Variants in SCD5 observed in about 807,000 individuals in gnomAD.
SCD5 encodes the protein acyl-CoA-desaturase 4.
In SCD5, 20 loss-of-function variants were observed where a neutral mutation model predicts 30.4. The ratio of observed to expected loss-of-function variants is 0.66; its 90% confidence interval spans 0.46 to 0.96. The LOEUF (loss-of-function observed/expected upper bound fraction) is 0.96. SCD5 is among the 40% of genes least tolerant of loss of function. The pLI is 0.00. For missense variants in SCD5, 381 were observed against 443.3 expected (o/e 0.86, Z 1.26); for synonymous variants, 173 against 176.4 (o/e 0.98, Z 0.16).
chr4:82,671,861 A>C (rs985380878), intron 3 of SCD5, among the ~76,000 whole-genome samples: 3 of 152,208 alleles, frequency 2.0e-5, no homozygotes, highest in Admixed American at 2.0e-4. Flanking sequence ...AGCCTGGGTA[A>C]CAGAGCGAGA....
chr4:82,679,199 CAA>C (rs35560907), intron 3 of SCD5, among the ~76,000 whole-genome samples: 440 of 23,762 alleles, frequency 0.019, 20 homozygotes, highest in African/African-American at 0.076. Flanking sequence ...ACTCCATCTC[CAA>C]AAAAAAAAAA....
At chr4:82,730,986 A>G (rs1458119941) in intron 1 of SCD5, among the ~76,000 whole-genome samples, 1 of 152,186 alleles carries the variant, frequency 6.6e-6, no homozygotes, top group Non-Finnish European at 1.5e-5. Context: ...AAACAAGTCG[A>G]AACTTCCTGC....
At chr4:82,784,491 C>T (rs1721944831) in intron 1 of SCD5, among the ~76,000 whole-genome samples, 1 of 152,164 alleles carries the variant, frequency 6.6e-6, no homozygotes, top group Non-Finnish European at 1.5e-5. Context: ...AAATTAATAT[C>T]AATTCTTTTT....
intron 1 of SCD5, among the ~76,000 whole-genome samples, chr4:82,730,353 G>T (rs1201054989): frequency 6.7e-6 from 1 of 149,916 alleles, no homozygotes; most frequent in Non-Finnish European, 1.5e-5. Context: ...CTGGAGTCCA[G>T]TGGCACGATC....
At chr4:82,748,657 G>A (rs894321352) in intron 1 of SCD5, among the ~76,000 whole-genome samples, 2 of 152,180 alleles carry the variant, frequency 1.3e-5, no homozygotes, top group African/African-American at 2.4e-5. Flanking sequence ...CACTATGGAC[G>A]GTCCTAACCT....
At chr4:82,706,392 C>A (rs1719969493) in intron 1 of SCD5, among the ~76,000 whole-genome samples, 1 of 152,248 alleles carries the variant, frequency 6.6e-6, no homozygotes, top group African/African-American at 2.4e-5. Flanking sequence ...CAGACATTGT[C>A]TTGTCCTTTT....
chr4:82,745,777 CA>C (rs752570426), intron 1 of SCD5, among the ~76,000 whole-genome samples: 1 of 152,074 alleles, frequency 6.6e-6, no homozygotes, highest in Non-Finnish European at 1.5e-5. Context: ...AGTATGGACT[CA>C]AATGGAAAGT....
chr4:82,727,630 T>G (rs886520679), intron 1 of SCD5, among the ~76,000 whole-genome samples: 4 of 152,212 alleles, frequency 2.6e-5, no homozygotes, highest in African/African-American at 9.6e-5. Flanking sequence ...CATAGGTAAA[T>G]CCCTTACAAC....
intron 3 of SCD5, among the ~76,000 whole-genome samples, chr4:82,669,271 C>T (rs187481301): frequency 6.7e-6 from 1 of 149,358 alleles, no homozygotes; most frequent in Non-Finnish European, 1.5e-5. Context: ...TGGAGAAATA[C>T]ACTTAGGGTT....
chr4:82,642,436 G>A (rs909877171), intron 3 of SCD5, among the ~76,000 whole-genome samples: 1 of 152,192 alleles, frequency 6.6e-6, no homozygotes, highest in African/African-American at 2.4e-5. Context: ...AGGATTTGAA[G>A]TGGATACTGT....
rs148668101 is a variant in SCD5, at chr4:82,750,398, A to G, written c.233-44985T>C. 8.0e-3 allele frequency among the ~76,000 whole-genome samples: 1,225 copies of G among 152,364 alleles called. 11 individuals are homozygous for G. Among genetic ancestry groups the G allele is most frequent in the Middle Eastern group, 0.017 (5 of 294 alleles). ...ACTATCTCCAAAACATCTGTGTAAC[A>G]ATTACTTCTTCACACATGCAAGAAG... On this transcript the variant is annotated intron_variant, in intron 1 of 4. Transcript: ENST00000319540.
intron 1 of SCD5, among the ~76,000 whole-genome samples, chr4:82,757,671 T>C (rs575537287): frequency 1.3e-5 from 2 of 152,182 alleles, no homozygotes; most frequent in Admixed American, 1.3e-4. Flanking sequence ...TTACTGGCCA[T>C]GTGACCTTGG....
intron 2 of SCD5, among the ~76,000 whole-genome samples, chr4:82,703,203 A>G (rs567832270): frequency 6.6e-6 from 1 of 152,324 alleles, no homozygotes; most frequent in South Asian, 2.1e-4. Flanking sequence ...TCCACTACAA[A>G]TGTGGGCCTT....
rs200360120 is a variant in SCD5, at chr4:82,631,531, C to T, written c.803-14G>A. The T allele has an allele frequency of 2.2e-4, 353 of 1,612,368 alleles. No homozygotes were observed. Among genetic ancestry groups the T allele is most frequent in the East Asian group, 8.7e-4 (39 of 44,866 alleles). On this transcript the variant is annotated splice_polypyrimidine_tract_variant and intron_variant, in intron 4 of 4. Coordinates refer to ENST00000319540, the MANE Select transcript of SCD5 (RefSeq NM_001037582.3). ...GGAAGCCTTCACCTGGAAGACAAAG[C>T]GGGCATTGATATAATTCAATCACCA... is the stretch of plus-strand genomic sequence containing the variant.
At chr4:82,791,570 G>T (rs1429393076) in intron 1 of SCD5, among the ~76,000 whole-genome samples, 1 of 152,156 alleles carries the variant, frequency 6.6e-6, no homozygotes, top group African/African-American at 2.4e-5. Context: ...CGTGTGGATG[G>T]AAAAGGAAGG....
intron 1 of SCD5, among the ~76,000 whole-genome samples, chr4:82,774,035 T>G (rs899790845): frequency 1.4e-5 from 2 of 146,782 alleles, no homozygotes; most frequent in South Asian, 2.1e-4. Context: ...GTTGCAGTGA[T>G]CCAAGATCAT....
chr4:82,755,217 G>T (rs1039204727), intron 1 of SCD5, among the ~76,000 whole-genome samples: 1 of 151,978 alleles, frequency 6.6e-6, no homozygotes, highest in Non-Finnish European at 1.5e-5. Flanking sequence ...TGAAAGAAAG[G>T]GGCCAGGCAT....
intron 3 of SCD5, among the ~76,000 whole-genome samples, chr4:82,655,513 C>T (rs1010940390): frequency 6.6e-6 from 1 of 152,042 alleles, no homozygotes; most frequent in African/African-American, 2.4e-5. Flanking sequence ...GTCTTTAAGT[C>T]GCTGCTAAAA....
chr4:82,765,107 G>C (rs533436172), intron 1 of SCD5, among the ~76,000 whole-genome samples: 1 of 152,124 alleles, frequency 6.6e-6, no homozygotes, highest in African/African-American at 2.4e-5. Flanking sequence ...CCTTTATTTT[G>C]ATCAAGATTT....
Sources: allele counts gnomAD v4.1 joint callset (sites outside exome capture counted in the v4.1 genomes callset), GRCh38; gene constraint gnomAD v4.1.1; transcripts MANE v1.5; gene names NCBI Gene and HGNC (gene_info 2026-07-23, HGNC 2026-07-21).